EPB41L4A: variants seen among roughly 807,000 people sequenced by gnomAD.
The protein encoded by EPB41L4A is band 4.1-like protein 4A.
In EPB41L4A, 100 loss-of-function variants were observed where a neutral mutation model predicts 108.6. The observed-to-expected ratio is 0.92, with a 90% confidence interval of 0.78 to 1.09. The LOEUF (loss-of-function observed/expected upper bound fraction) is 1.09. Among genes scored for constraint, EPB41L4A ranks in the 50% least tolerant of loss-of-function variants. The pLI, the probability that EPB41L4A is intolerant of heterozygous loss-of-function variation, is 0.00. For missense variants in EPB41L4A, 1,030 were observed against 842.7 expected (o/e 1.22, Z -2.75); for synonymous variants, 319 against 289.0 (o/e 1.10, Z -1.05).
upstream of EPB41L4A, chr5:112,419,446 G>A: frequency 2.8e-6 from 1 of 359,276 alleles, no homozygotes; most frequent in South Asian, 2.1e-5. Flanking sequence ...CCCCGGCCTT[G>A]GAAAACCCTG....
At chr5:112,171,424 A>T (rs1305366926) in intron 18 of EPB41L4A, among the ~76,000 whole-genome samples, 1 of 152,224 alleles carries the variant, frequency 6.6e-6, no homozygotes, top group Admixed American at 6.5e-5. Flanking sequence ...AAAAGGAAAA[A>T]GCAACTGGTG....
intron 15 of EPB41L4A, among the ~76,000 whole-genome samples, chr5:112,199,500 T>C (rs1046286772): frequency 5.9e-5 from 9 of 152,228 alleles, no homozygotes; most frequent in African/African-American, 2.2e-4. Context: ...CTATCTATAC[T>C]ATCCACCTAA....
At chr5:112,400,384 C>A (rs1761665716) in intron 1 of EPB41L4A, among the ~76,000 whole-genome samples, 1 of 151,838 alleles carries the variant, frequency 6.6e-6, no homozygotes, top group Non-Finnish European at 1.5e-5. Flanking sequence ...ATCACTGGGT[C>A]ATTTATAAAG....
At chr5:112,223,141 T>C (rs1748188654) in intron 12 of EPB41L4A, among the ~76,000 whole-genome samples, 1 of 152,056 alleles carries the variant, frequency 6.6e-6, no homozygotes, top group African/African-American at 2.4e-5. Context: ...GGTTTCGTCA[T>C]GTTGGCCAGG....
chr5:112,268,814 GCC>G, intron 4 of EPB41L4A, among the ~76,000 whole-genome samples: 2 of 121,346 alleles, frequency 1.6e-5, no homozygotes, highest in Non-Finnish European at 3.2e-5. Context: ...CTGCACTCCA[GCC>G]TGGGCAACAG....
intron 1 of EPB41L4A, among the ~76,000 whole-genome samples, chr5:112,414,742 T>C (rs1762608168): frequency 1.3e-5 from 2 of 152,182 alleles, no homozygotes; most frequent in Admixed American, 1.3e-4. Context: ...TAAAAGGTAT[T>C]TTTAATAATT....
chr5:112,179,963 C>T (rs147208547), intron 18 of EPB41L4A, among the ~76,000 whole-genome samples: 2 of 152,060 alleles, frequency 1.3e-5, no homozygotes, highest in African/African-American at 4.8e-5. Flanking sequence ...TTTAACAAGG[C>T]TTATGGGGTG....
intron 1 of EPB41L4A, among the ~76,000 whole-genome samples, chr5:112,310,401 C>T (rs1754971853): frequency 6.6e-6 from 1 of 152,182 alleles, no homozygotes; most frequent in Non-Finnish European, 1.5e-5. Flanking sequence ...ACTGCATTGG[C>T]TGGGACCTCA....
At chr5:112,412,128 C>A (rs762325711) in intron 1 of EPB41L4A, among the ~76,000 whole-genome samples, 6 of 152,210 alleles carry the variant, frequency 3.9e-5, no homozygotes, top group Admixed American at 6.5e-5. Flanking sequence ...TCTCGGTCCA[C>A]CAATTCCTCC....
At chr5:112,382,805 T>G (rs1403437605) in intron 1 of EPB41L4A, among the ~76,000 whole-genome samples, 1 of 152,182 alleles carries the variant, frequency 6.6e-6, no homozygotes, top group East Asian at 1.9e-4. Flanking sequence ...CTTCCTGGCT[T>G]CTAACTCTTT....
chr5:112,399,343 C>T (rs1761584756), intron 1 of EPB41L4A, among the ~76,000 whole-genome samples: 2 of 152,114 alleles, frequency 1.3e-5, no homozygotes, highest in Admixed American at 1.3e-4. Flanking sequence ...GTTGTATACT[C>T]TCATGTCACC....
intron 1 of EPB41L4A, among the ~76,000 whole-genome samples, chr5:112,321,066 C>A (rs1252041951): frequency 6.6e-6 from 1 of 152,054 alleles, no homozygotes; most frequent in Non-Finnish European, 1.5e-5. Context: ...CTTGCCTGGT[C>A]AGATGACAGT....
At chr5:112,233,522 A>G (rs992844389) in intron 12 of EPB41L4A, among the ~76,000 whole-genome samples, 20 of 152,164 alleles carry the variant, frequency 1.3e-4, no homozygotes, top group African/African-American at 4.1e-4. Context: ...CAAAGAACCA[A>G]CTGGATTCTG....
rs1196046241 is a variant in EPB41L4A, at chr5:112,419,117, G to A, written c.-78C>T. On this transcript the variant is annotated 5_prime_UTR_variant, in exon 1 of 23. Transcript: ENST00000261486. Reference sequence around the variant, plus strand: ...GCCGCCCCCTCCACTCAAGCGCGATGCATTAATTTATTGTCCGCGCCGTGG... The same window carrying A: ...GCCGCCCCCTCCACTCAAGCGCGATACATTAATTTATTGTCCGCGCCGTGG... The A allele has an allele frequency of 1.8e-6, 2 of 1,099,200 alleles. No individual in the cohort carries two copies. Among genetic ancestry groups the A allele is most frequent in the Non-Finnish European group, 2.8e-6 (2 of 721,286 alleles). The allele number at this position is 1,099,200 out of a possible 1,614,324, so 68.1% of individuals were successfully genotyped here.
intron 12 of EPB41L4A, among the ~76,000 whole-genome samples, chr5:112,223,708 TCTAAGGTTGTGTTCA>T: frequency 6.6e-6 from 1 of 152,246 alleles, no homozygotes; most frequent in East Asian, 1.9e-4. Context: ...AAACGACTAG[TCTAAGGTTGTGTTCA>T]CACACAACTC....
At chr5:112,274,114 C>T (rs912988679) in intron 4 of EPB41L4A, among the ~76,000 whole-genome samples, 1 of 132,648 alleles carries the variant, frequency 7.5e-6, no homozygotes, top group African/African-American at 2.8e-5. Flanking sequence ...CATAACAAGA[C>T]AAAAAAAAAA....
chr5:112,305,923 T>C (rs1016617978), intron 2 of EPB41L4A, among the ~76,000 whole-genome samples: 1 of 152,018 alleles, frequency 6.6e-6, no homozygotes, highest in Non-Finnish European at 1.5e-5. Flanking sequence ...AGGAAAAAAA[T>C]GTTCTTAATT....
At chr5:112,145,857 A>T (rs146602553) in intron 13 of EPB41L4A, 33 of 453,344 alleles carry the variant, frequency 7.3e-5, no homozygotes, top group African/African-American at 5.6e-4. Context: ...TGAGACAATT[A>T]TCAATATACA....
At chr5:112,199,755 T>C (rs1580417334) in intron 15 of EPB41L4A, among the ~76,000 whole-genome samples, 1 of 152,322 alleles carries the variant, frequency 6.6e-6, no homozygotes, top group Admixed American at 6.5e-5. Context: ...CTGGGTTTCA[T>C]TCTGGACAGC....
Sources: gnomAD v4.1 joint callset for allele counts (sites outside exome capture counted in the v4.1 genomes callset) on GRCh38, gnomAD v4.1.1 for gene constraint, MANE v1.5 for transcripts, NCBI Gene and HGNC (gene_info 2026-07-23, HGNC 2026-07-21) for gene names.